Variants in CNBD1 observed in about 807,000 individuals in gnomAD.
CNBD1 encodes cyclic nucleotide binding domain containing 1.
In CNBD1, 71 loss-of-function variants were observed where a neutral mutation model predicts 54.4. The ratio of observed to expected loss-of-function variants is 1.30; its 90% confidence interval spans 1.08 to 1.59. The LOEUF is 1.59. CNBD1 is among the 40% of genes most tolerant of loss of function. The probability of loss-of-function intolerance (pLI) is 0.00; values close to 1 mark genes in which losing one functional copy is unlikely to be tolerated. For missense variants in CNBD1, 659 were observed against 518.0 expected (o/e 1.27, Z -2.64); for synonymous variants, 182 against 170.7 (o/e 1.07, Z -0.51).
intron 6 of CNBD1, among the ~76,000 whole-genome samples, chr8:87,242,150 C>T (rs1264167976): frequency 6.6e-6 from 1 of 152,164 alleles, no homozygotes; most frequent in African/African-American, 2.4e-5. Context: ...AAAATGCCAA[C>T]ATGACAGATG....
At chr8:86,977,750 T>C (rs546127365) in intron 4 of CNBD1, among the ~76,000 whole-genome samples, 4 of 152,050 alleles carry the variant, frequency 2.6e-5, no homozygotes, top group African/African-American at 9.7e-5. Flanking sequence ...GAATAAAAGG[T>C]CTGCTATCAA....
intron 3 of CNBD1, among the ~76,000 whole-genome samples, chr8:86,932,909 G>A (rs1170739169): frequency 3.3e-5 from 5 of 152,042 alleles, no homozygotes; most frequent in Admixed American, 2.6e-4. Context: ...GCTCACTGAA[G>A]CAGCAGCGGA....
chr8:87,373,399 A>T (rs1322600102), intron 10 of CNBD1, among the ~76,000 whole-genome samples: 1 of 151,874 alleles, frequency 6.6e-6, no homozygotes. Flanking sequence ...TTTTAAAGGC[A>T]TTATCACAAA....
intron 4 of CNBD1, among the ~76,000 whole-genome samples, chr8:87,140,421 T>G (rs920745733): frequency 1.3e-5 from 2 of 152,186 alleles, no homozygotes; most frequent in Admixed American, 1.3e-4. Flanking sequence ...TGATACTTCC[T>G]CAAACATAAC....
At chr8:87,336,465 C>A (rs1455109119) in intron 8 of CNBD1, among the ~76,000 whole-genome samples, 2 of 151,120 alleles carry the variant, frequency 1.3e-5, no homozygotes, top group African/African-American at 4.9e-5. Flanking sequence ...GTCTGATATT[C>A]TTCCTTCTAA....
At chr8:87,351,577 A>G (rs1282562834) in intron 8 of CNBD1, 108 bp from the exon 9 acceptor site, 1 of 1,029,228 alleles carries the variant, frequency 9.7e-7, no homozygotes, top group Non-Finnish European at 1.3e-6. Context: ...TAAGAAACTT[A>G]CTATTAATAG....
rs375626501 is a variant in CNBD1, at chr8:87,295,986, T to C, written c.1042+9315T>C. Among the ~76,000 whole-genome samples, 163 of 152,288 alleles carry C rather than the reference T, an allele frequency of 1.1e-3. 2 individuals carry two copies. In the Middle Eastern group the frequency reaches 0.014, roughly 13 times the overall value. On this transcript the variant is annotated intron_variant, in intron 8 of 10. Transcript: ENST00000518476. Reference sequence around the variant, plus strand: ...GCGAACTCTTATGTTTCGCTATGAATATTATTTATAACCAAACTGTTAACA... The same window carrying C: ...GCGAACTCTTATGTTTCGCTATGAACATTATTTATAACCAAACTGTTAACA...
intron 4 of CNBD1, among the ~76,000 whole-genome samples, chr8:87,001,838 A>AT (rs1213350393): frequency 3.9e-5 from 6 of 152,146 alleles, no homozygotes; most frequent in South Asian, 4.1e-4. Context: ...CATATCACAG[A>AT]TTTTTTCCCT....
intron 4 of CNBD1, among the ~76,000 whole-genome samples, chr8:87,078,085 A>T (rs950659768): frequency 1.3e-5 from 2 of 152,126 alleles, no homozygotes; most frequent in African/African-American, 4.8e-5. Flanking sequence ...ATTTTGGGAG[A>T]ACACAAACCT....
At chr8:87,368,021 G>T (rs1013470555) in intron 10 of CNBD1, among the ~76,000 whole-genome samples, 56 of 152,016 alleles carry the variant, frequency 3.7e-4, no homozygotes, top group Non-Finnish European at 6.2e-4. Flanking sequence ...AATTAGCTGG[G>T]CATGATGATG....
chr8:86,916,426 A>ACACTGGC (rs1475576790), intron 3 of CNBD1, among the ~76,000 whole-genome samples: 1 of 152,088 alleles, frequency 6.6e-6, no homozygotes, highest in Non-Finnish European at 1.5e-5. Context: ...GTCTGCATCC[A>ACACTGGC]CACTGGCCTG....
chr8:87,417,105 A>G (rs1469442835), intron 2 of CNBD1, among the ~76,000 whole-genome samples: 1 of 152,018 alleles, frequency 6.6e-6, no homozygotes, highest in Admixed American at 6.6e-5. Context: ...TACCAAAGAC[A>G]TAATTTATAA....
chr8:87,264,896 A>G (rs149270516), intron 6 of CNBD1, among the ~76,000 whole-genome samples: 430 of 152,060 alleles, frequency 2.8e-3, no homozygotes, highest in African/African-American at 9.7e-3. Context: ...GATTTCGGAT[A>G]TTAGCCCTTT....
chr8:87,370,238 T>A (rs2130946902), intron 10 of CNBD1, among the ~76,000 whole-genome samples: 1 of 152,210 alleles, frequency 6.6e-6, no homozygotes, highest in East Asian at 1.9e-4. Flanking sequence ...TTTGGGTATA[T>A]ACCCAGTAAT....
At chr8:87,101,429 G>C (rs562253028) in intron 4 of CNBD1, among the ~76,000 whole-genome samples, 21 of 151,540 alleles carry the variant, frequency 1.4e-4, no homozygotes, top group African/African-American at 4.8e-4. Flanking sequence ...TATCTGAGGA[G>C]GATACAACTA....
At chr8:86,955,451 A>G (rs2130456479) in intron 4 of CNBD1, among the ~76,000 whole-genome samples, 1 of 152,320 alleles carries the variant, frequency 6.6e-6, no homozygotes, top group South Asian at 2.1e-4. Flanking sequence ...TCCCACCAAC[A>G]GTGTAAAAGT....
At chr8:86,880,823 C>A (rs1358346236) in intron 1 of CNBD1, among the ~76,000 whole-genome samples, 1 of 152,164 alleles carries the variant, frequency 6.6e-6, no homozygotes, top group African/African-American at 2.4e-5. Flanking sequence ...AAAGCTTATC[C>A]ACCATGATCA....
At chr8:87,347,324 A>G (rs1810194616) in intron 8 of CNBD1, among the ~76,000 whole-genome samples, 1 of 152,210 alleles carries the variant, frequency 6.6e-6, no homozygotes, top group South Asian at 2.1e-4. Context: ...CCTTTGTTTA[A>G]TGTTGAGATT....
At chr8:87,143,029 T>C (rs374099364) in intron 4 of CNBD1, among the ~76,000 whole-genome samples, 9 of 148,386 alleles carry the variant, frequency 6.1e-5, no homozygotes, top group African/African-American at 2.4e-4. Context: ...TGTAAATAAT[T>C]AATCACTTAC....
Sources: gnomAD v4.1 joint callset for allele counts (sites outside exome capture counted in the v4.1 genomes callset) on GRCh38, gnomAD v4.1.1 for gene constraint, MANE v1.5 for transcripts, NCBI Gene and HGNC (gene_info 2026-07-23, HGNC 2026-07-21) for gene names.